Variants in KCNH1 observed in about 807,000 individuals in gnomAD.
KCNH1 encodes the protein voltage-gated delayed rectifier potassium channel KCNH1.
A neutral mutation model predicts 69.2 loss-of-function variants in KCNH1; 27 were observed. That is an observed-to-expected ratio of 0.39 (90% CI 0.29 to 0.54). KCNH1 has a LOEUF of 0.54. Among genes scored for constraint, KCNH1 ranks in the 20% least tolerant of loss-of-function variants. KCNH1 has a pLI of 0.68. For synonymous variants in KCNH1, 456 were observed against 487.7 expected, an observed-to-expected ratio of 0.93 and a Z score of 0.86; for missense variants, 798 against 1,261.6, an observed-to-expected ratio of 0.63 and a Z score of 5.57.
At chr1:210,841,681 C>T (rs528119506) in intron 7 of KCNH1, among the ~76,000 whole-genome samples, 28 of 152,204 alleles carry the variant, frequency 1.8e-4, no homozygotes, top group African/African-American at 6.7e-4. Context: ...TATTATACCC[C>T]AAGTCTTCTA....
intron 7 of KCNH1, among the ~76,000 whole-genome samples, chr1:210,907,503 C>T (rs1687125803): frequency 1.3e-5 from 2 of 149,766 alleles, no homozygotes; most frequent in Non-Finnish European, 3.0e-5. Context: ...AAGCTCAAAT[C>T]AGGATCTAGG....
intron 9 of KCNH1, among the ~76,000 whole-genome samples, chr1:210,788,581 T>A (rs1033508244): frequency 6.6e-6 from 1 of 151,826 alleles, no homozygotes; most frequent in African/African-American, 2.4e-5. Context: ...GAAAGAGAAC[T>A]GGTCTCCGCC....
chr1:210,878,727 A>C (rs1014942323), intron 7 of KCNH1, among the ~76,000 whole-genome samples: 2 of 152,100 alleles, frequency 1.3e-5, no homozygotes, highest in Non-Finnish European at 2.9e-5. Context: ...TTAGGAAAGT[A>C]TAAAAAGAAG....
At chr1:211,080,097 G>A (rs1690823212) in intron 5 of KCNH1, among the ~76,000 whole-genome samples, 1 of 152,186 alleles carries the variant, frequency 6.6e-6, no homozygotes, top group South Asian at 2.1e-4. Context: ...ATCTCCTTAA[G>A]CTGATAAGCA....
chr1:211,126,637 C>T (rs980192855), intron 1 of KCNH1, among the ~76,000 whole-genome samples: 2 of 148,500 alleles, frequency 1.3e-5, no homozygotes, highest in South Asian at 4.3e-4. Flanking sequence ...GAGCTGACAT[C>T]GCACCACTCC....
chr1:210,909,044 C>T (rs1366950256), intron 7 of KCNH1, among the ~76,000 whole-genome samples: 1 of 152,234 alleles, frequency 6.6e-6, no homozygotes, highest in Non-Finnish European at 1.5e-5. Context: ...AGACCTCTAG[C>T]TGATGAGAGC....
intron 10 of KCNH1, among the ~76,000 whole-genome samples, chr1:210,705,392 CAG>C (rs1239751806): frequency 1.3e-5 from 2 of 152,164 alleles, no homozygotes; most frequent in East Asian, 3.9e-4. Flanking sequence ...GGAGGTCAGA[CAG>C]AGAAAACTAA....
At chr1:210,777,465 T>G (rs1683884573) in intron 9 of KCNH1, among the ~76,000 whole-genome samples, 1 of 152,204 alleles carries the variant, frequency 6.6e-6, no homozygotes, top group African/African-American at 2.4e-5. Context: ...AGTTCTTTTT[T>G]CAATCATCTG....
chr1:210,917,349 A>AAG (rs1289477064), intron 7 of KCNH1, among the ~76,000 whole-genome samples: 13 of 149,902 alleles, frequency 8.7e-5, no homozygotes, highest in African/African-American at 2.2e-4. Context: ...GAGAGAGAGA[A>AAG]AGAGAGAGAG....
At chr1:210,893,901 C>T (rs1008181076) in intron 7 of KCNH1, among the ~76,000 whole-genome samples, 3 of 152,130 alleles carry the variant, frequency 2.0e-5, no homozygotes, top group Admixed American at 6.6e-5. Context: ...CTACCTAATG[C>T]ATTTTTTATC....
intron 6 of KCNH1, among the ~76,000 whole-genome samples, chr1:210,971,074 A>G (rs928303715): frequency 6.6e-6 from 1 of 152,174 alleles, no homozygotes; most frequent in Non-Finnish European, 1.5e-5. Flanking sequence ...GAGAAATGCA[A>G]ATCAAAACCA....
At chr1:210,905,458 T>G (rs1443624284) in intron 7 of KCNH1, among the ~76,000 whole-genome samples, 1 of 152,156 alleles carries the variant, frequency 6.6e-6, no homozygotes, top group Non-Finnish European at 1.5e-5. Context: ...TCCCTTAGTC[T>G]GATCAGGATC....
At chr1:210,754,878 A>C (rs896561393) in intron 10 of KCNH1, among the ~76,000 whole-genome samples, 1 of 150,510 alleles carries the variant, frequency 6.6e-6, no homozygotes, top group Non-Finnish European at 1.5e-5. Flanking sequence ...ACACACACAC[A>C]CAGACACATA....
intron 6 of KCNH1, among the ~76,000 whole-genome samples, chr1:210,988,972 G>A (rs1688894061): frequency 6.6e-6 from 1 of 152,144 alleles, no homozygotes; most frequent in Non-Finnish European, 1.5e-5. Flanking sequence ...GCTTATAATA[G>A]GATGAAAATA....
intron 5 of KCNH1, among the ~76,000 whole-genome samples, chr1:211,032,163 A>T (rs1689797734): frequency 6.6e-6 from 1 of 152,170 alleles, no homozygotes; most frequent in Admixed American, 6.5e-5. Context: ...CATTCACAGT[A>T]GCTTCAAAGA....
intron 5 of KCNH1, among the ~76,000 whole-genome samples, chr1:211,074,956 AC>A (rs1690706964): frequency 6.6e-6 from 1 of 152,200 alleles, no homozygotes; most frequent in Non-Finnish European, 1.5e-5. Context: ...TAAGTATCCT[AC>A]CAGCTCTGTT....
intron 9 of KCNH1, among the ~76,000 whole-genome samples, chr1:210,780,936 A>G (rs1683966592): frequency 6.6e-6 from 1 of 152,156 alleles, no homozygotes; most frequent in Non-Finnish European, 1.5e-5. Context: ...AGTCCCAGCT[A>G]CTTGGGAGGC....
rs1195205629 is a variant in KCNH1, at chr1:211,082,216, GA to G, written c.558+563del. Among the ~76,000 whole-genome samples the G allele has an allele frequency of 3.3e-5, 5 of 152,210 alleles. No individual in the cohort carries two copies. The East Asian group carries it at 7.7e-4, about 24-fold the overall frequency. ...AATGTTCATGATTATATAAAGTGAA[GA>G]AAAGGCAACATAATCACATTTAATG... On this transcript the variant is annotated intron_variant, in intron 5 of 10. Coordinates refer to ENST00000271751, the MANE Select transcript of KCNH1 (RefSeq NM_172362.3).
intron 6 of KCNH1, among the ~76,000 whole-genome samples, chr1:210,975,283 T>C (rs553475409): frequency 6.6e-6 from 1 of 152,258 alleles, no homozygotes; most frequent in African/African-American, 2.4e-5. Flanking sequence ...AACCAGCTCC[T>C]GGATTCAGAT....
Sources: gnomAD v4.1 joint callset for allele counts (sites outside exome capture counted in the v4.1 genomes callset) on GRCh38, gnomAD v4.1.1 for gene constraint, MANE v1.5 for transcripts, NCBI Gene and HGNC (gene_info 2026-07-23, HGNC 2026-07-21) for gene names.